DNAH14: variants seen among roughly 807,000 people sequenced by gnomAD.
The protein encoded by DNAH14 is dynein axonemal heavy chain 14.
DNAH14 carries 478 observed loss-of-function variants against 520.9 expected under a neutral mutation model. The observed-to-expected ratio is 0.92, with a 90% CI of 0.85 to 0.99. The LOEUF is 0.99. DNAH14 is among the 50% of genes least tolerant of loss of function. The probability of loss-of-function intolerance (pLI) is 0.00; values close to 1 mark genes in which losing one functional copy is unlikely to be tolerated. For synonymous variants in DNAH14, 1,581 were observed against 1,757.2 expected (o/e 0.90, Z 2.51); for missense variants, 4,831 against 5,234.5 (o/e 0.92, Z 2.38).
intron 11 of DNAH14, among the ~76,000 whole-genome samples, chr1:225,030,908 CA>C (rs1262804937): frequency 2.0e-5 from 3 of 151,842 alleles, no homozygotes; most frequent in Non-Finnish European, 2.9e-5. Context: ...CAGATTTATT[CA>C]AAAGGCCTAC....
intron 10 of DNAH14, among the ~76,000 whole-genome samples, chr1:225,015,152 T>C (rs1419843403): frequency 6.6e-6 from 1 of 152,184 alleles, no homozygotes; most frequent in Non-Finnish European, 1.5e-5. Flanking sequence ...TGGAGTATCT[T>C]TTTTATCTCT....
At chr1:225,331,666 A>G in intron 65 of DNAH14, 89 bp downstream of exon 65, 3 of 1,494,272 alleles carry the variant, frequency 2.0e-6, no homozygotes, top group Non-Finnish European at 1.8e-6. Context: ...AGGCTGTATC[A>G]TATACCTTCT....
At chr1:225,343,505 T>C (rs2095234759) in intron 69 of DNAH14, among the ~76,000 whole-genome samples, 1 of 152,166 alleles carries the variant, frequency 6.6e-6, no homozygotes, top group Non-Finnish European at 1.5e-5. Context: ...GAGATATGTG[T>C]TAAATGGAGA....
intron 74 of DNAH14, among the ~76,000 whole-genome samples, chr1:225,359,359 C>T (rs895570766): frequency 6.6e-6 from 1 of 152,198 alleles, no homozygotes; most frequent in Non-Finnish European, 1.5e-5. Flanking sequence ...GTTTAATAAA[C>T]ACTGACTTGT....
intron 1 of DNAH14, among the ~76,000 whole-genome samples, chr1:224,935,012 G>A (rs2058937087): frequency 6.6e-6 from 1 of 151,774 alleles, no homozygotes; most frequent in South Asian, 2.1e-4. Flanking sequence ...GTGCTCAAGG[G>A]AGTCTTAAAC....
chr1:225,094,702 A>C (rs200127151), intron 21 of DNAH14, among the ~76,000 whole-genome samples: 101 of 147,646 alleles, frequency 6.8e-4, no homozygotes, highest in East Asian at 3.5e-3. Context: ...AAACAAAAAA[A>C]CGCTATCAAC....
chr1:224,986,130 T>TA (rs148252997), intron 8 of DNAH14, among the ~76,000 whole-genome samples: 8,357 of 151,184 alleles, frequency 0.055, 469 homozygotes, highest in East Asian at 0.24. Context: ...AAAGCTGTAA[T>TA]AAAAAAAAGT....
chr1:225,389,789 T>A lies in DNAH14; in HGVS notation c.13246T>A (p.Cys4416Ser). Reference protein sequence around the residue: ...KQSIPSTSQKCKHPEDSENNF... With the variant: ...KQSIPSTSQKSKHPEDSENNF... ...GTCTATTCCATCAACTAGCCAAAAA[T>A]GCAAACACCCTGAGGATTCAGAGAA... is the stretch of plus-strand genomic sequence containing the variant. Residue 4416 changes from cysteine to serine, a missense_variant, in exon 83 of 86, where the codon TGC (cysteine) becomes AGC (serine). By Grantham distance (112) the Cys-to-Ser change is moderately radical. Transcript: ENST00000682510. 6.4e-7 allele frequency: 1 copy of A among 1,552,170 alleles called. No homozygotes were observed. Among genetic ancestry groups the A allele is most frequent in the Non-Finnish European group, 8.7e-7 (1 of 1,147,080 alleles).
At chr1:225,151,702 G>A (rs1389844966) in intron 31 of DNAH14, among the ~76,000 whole-genome samples, 1 of 152,154 alleles carries the variant, frequency 6.6e-6, no homozygotes, top group African/African-American at 2.4e-5. Context: ...TATTCCCTAA[G>A]TGTCTCCCAG....
intron 54 of DNAH14, among the ~76,000 whole-genome samples, chr1:225,283,121 C>A (rs1466290675): frequency 2.0e-5 from 3 of 150,046 alleles, no homozygotes; most frequent in African/African-American, 7.4e-5. Flanking sequence ...TTATTTAACA[C>A]AAAAGAATGG....
intron 1 of DNAH14, among the ~76,000 whole-genome samples, chr1:224,933,641 A>G (rs1227445164): frequency 1.3e-5 from 2 of 152,070 alleles, no homozygotes; most frequent in Admixed American, 6.6e-5. Flanking sequence ...TCATGAAGCA[A>G]TGATGAATTT....
chr1:225,378,879 C>A (rs201509143), intron 79 of DNAH14, among the ~76,000 whole-genome samples: 63 of 135,332 alleles, frequency 4.7e-4, no homozygotes, highest in Admixed American at 8.3e-4. Context: ...AACTCCGTCC[C>A]AAAAAAAAAA....
intron 51 of DNAH14, among the ~76,000 whole-genome samples, chr1:225,272,400 A>AT (rs2093338649): frequency 6.6e-6 from 1 of 152,232 alleles, no homozygotes; most frequent in Non-Finnish European, 1.5e-5. Flanking sequence ...GCATGTATGC[A>AT]TTTCATAAAC....
chr1:225,300,924 T>G lies in DNAH14; in HGVS notation c.8525T>G (p.Leu2842Arg). 3 of 1,551,472 alleles carry G rather than the reference T, an allele frequency of 1.9e-6. No homozygotes were observed. The highest frequency in any genetic ancestry group is 2.6e-6 in the Non-Finnish European group (3 of 1,146,896). Residue 2842 changes from leucine (L) to arginine (R), a missense_variant, in exon 56 of 86, where the codon CTG becomes CGG. By Grantham distance (102) the Leu-to-Arg change is moderately radical. Coordinates refer to ENST00000682510, the MANE Select transcript of DNAH14 (RefSeq NM_001367479.1). ...YIISSGRIPD[L>R]FENVELDSIA... Reference sequence around the variant, plus strand: ...ATCAGTTCAGGAAGAATACCTGACCTGTTTGAAAATGTTGAGCTGGATTCT... The same window carrying G: ...ATCAGTTCAGGAAGAATACCTGACCGGTTTGAAAATGTTGAGCTGGATTCT...
chr1:225,135,021 C>T (rs1384673864), intron 27 of DNAH14, among the ~76,000 whole-genome samples: 3 of 151,886 alleles, frequency 2.0e-5, no homozygotes, highest in Non-Finnish European at 4.4e-5. Flanking sequence ...ATGATATCCC[C>T]CTTATCATTT....
intron 81 of DNAH14, among the ~76,000 whole-genome samples, chr1:225,384,232 T>C (rs1347541849): frequency 1.3e-5 from 2 of 151,932 alleles, no homozygotes; most frequent in East Asian, 3.9e-4. Context: ...GGGTGGAGAG[T>C]TCTGTAGATG....
intron 75 of DNAH14, among the ~76,000 whole-genome samples, chr1:225,361,157 C>T (rs2095488113): frequency 6.6e-6 from 1 of 152,164 alleles, no homozygotes; most frequent in African/African-American, 2.4e-5. Context: ...CAAACTCTTA[C>T]TCTCAATAGA....
intron 48 of DNAH14, among the ~76,000 whole-genome samples, chr1:225,266,438 G>C (rs1334412525): frequency 6.6e-6 from 1 of 152,032 alleles, no homozygotes; most frequent in Non-Finnish European, 1.5e-5. Flanking sequence ...AAAACTTACT[G>C]TTTTTAAAAA....
chr1:225,273,909 A>G (rs2093384301), intron 52 of DNAH14, among the ~76,000 whole-genome samples: 2 of 152,094 alleles, frequency 1.3e-5, no homozygotes, highest in South Asian at 4.2e-4. Context: ...TCCTTCCCAA[A>G]GGTGGACTCT....
Sources: allele counts gnomAD v4.1 joint callset (sites outside exome capture counted in the v4.1 genomes callset), GRCh38; gene constraint gnomAD v4.1.1; transcripts MANE v1.5; gene names NCBI Gene and HGNC (gene_info 2026-07-23, HGNC 2026-07-21).